The following C1orf54 variants were observed in gnomAD, a reference collection of about 807,000 sequenced individuals.
C1orf54 encodes the protein chromosome 1 open reading frame 54.
C1orf54 carries 12 observed loss-of-function variants against 14.7 expected under a neutral mutation model. That is an observed-to-expected ratio of 0.82 (90% CI 0.52 to 1.32). C1orf54 has a LOEUF of 1.32. Among genes scored for constraint, C1orf54 ranks in the 40% most tolerant of loss-of-function variants. The pLI, the probability that C1orf54 is intolerant of heterozygous loss-of-function variation, is 0.00. For synonymous variants in C1orf54, 65 were observed against 56.3 expected, an observed-to-expected ratio of 1.16 and a Z score of -0.70; for missense variants, 163 against 162.2, an observed-to-expected ratio of 1.00 and a Z score of -0.03.
upstream of C1orf54, chr1:150,268,979 T>A: frequency 3.4e-6 from 2 of 581,376 alleles, no homozygotes; most frequent in East Asian, 5.9e-5. Context: ...AAACCCCAAA[T>A]GAAGGTCCGC....
At position 150,274,105 on chromosome 1, in the gene C1orf54, A is replaced by G; in HGVS notation, c.65A>G (p.Glu22Gly). Residue 22 changes from glutamate to glycine, a missense_variant, in exon 2 of 6, where the codon GAA (glutamate) becomes GGA (glycine). Transcript: ENST00000369099. ...CCCATAGGACAAGAATATGAGGATG[A>G]AGAAAGACTGGGAGAGGATGAATAT... ...PLILGQEYEDEERLGEDEYYQ... is the reference protein window; with the variant it reads ...PLILGQEYEDGERLGEDEYYQ... 1.2e-6 allele frequency: 2 copies of G among 1,612,214 alleles called. No individual in the cohort carries two copies. The highest frequency in any genetic ancestry group is 1.7e-6 in the Non-Finnish European group (2 of 1,178,290).
chr1:150,279,879 G>GCCTAA, intron 5 of C1orf54, 138 bp downstream of exon 5: 1 of 762,780 alleles, frequency 1.3e-6, no homozygotes. Context: ...TGAAGGAAGA[G>GCCTAA]ATTTAGGCTC....
Position 150,276,599 on chromosome 1 carries a change from G to A in C1orf54, c.267G>A (p.Lys89=). The A allele has an allele frequency of 6.2e-7, 1 of 1,614,140 alleles. No individual in the cohort carries two copies. The highest frequency in any genetic ancestry group is 8.5e-7 in the Non-Finnish European group (1 of 1,180,028). ...SLETARADHP[K]PVTVKPVTTE... is the part of the protein sequence containing the mutation. Reference sequence around the variant, plus strand: ...AAACAGCACGTGCAGACCATCCGAAGCCTGTAACTGTGAAACCAGTAACAA... The same window carrying A: ...AAACAGCACGTGCAGACCATCCGAAACCTGTAACTGTGAAACCAGTAACAA... Residue 89 remains lysine (K), a synonymous_variant, in exon 4 of 6, where the codon AAG becomes AAA. Transcript: ENST00000369099.
upstream of C1orf54, chr1:150,268,907 C>G: frequency 9.3e-7 from 1 of 1,071,876 alleles, no homozygotes; most frequent in Non-Finnish European, 1.4e-6. Flanking sequence ...GCAACGCGAC[C>G]CCACGAGGGG....
upstream of C1orf54, chr1:150,272,191 A>C (rs587689626): frequency 6.5e-6 from 1 of 152,674 alleles, no homozygotes; most frequent in African/African-American, 2.4e-5. Context: ...AAAGGAAATA[A>C]CTGACCATGG....
At chr1:150,277,502 T>TAAAAAA (rs71083896) in intron 4 of C1orf54, among the ~76,000 whole-genome samples, 16 of 41,316 alleles carry the variant, frequency 3.9e-4, no homozygotes, top group East Asian at 1.7e-3. Context: ...GACTCTATAC[T>TAAAAAA]AAAAAAAAAA....
upstream of C1orf54, among the ~76,000 whole-genome samples, chr1:150,270,873 G>C (rs1553851148): frequency 1.3e-5 from 2 of 150,340 alleles, no homozygotes; most frequent in Non-Finnish European, 3.0e-5. Context: ...GCGGGCGCCT[G>C]TAGTCCCAGC....
chr1:150,272,684 G>A, upstream of C1orf54: 3 of 869,346 alleles, frequency 3.5e-6, no homozygotes, highest in Non-Finnish European at 5.6e-6. Flanking sequence ...TAGGCGGGGA[G>A]TTCTGCCCCC....
At chr1:150,269,010 C>T (rs782761582), upstream of C1orf54, 2 of 532,292 alleles carry the variant, frequency 3.8e-6, no homozygotes, top group Non-Finnish European at 6.8e-6. Flanking sequence ...CTACGGAAGC[C>T]GAAGAGGGGA....
upstream of C1orf54, among the ~76,000 whole-genome samples, chr1:150,269,994 G>A (rs1191073130): frequency 6.6e-6 from 1 of 152,114 alleles, no homozygotes; most frequent in African/African-American, 2.4e-5. Context: ...CTGAGATTGC[G>A]CTACTGCACT....
intron 1 of C1orf54, 52 bp from the exon 2 acceptor site, chr1:150,274,035 T>C: frequency 1.5e-6 from 2 of 1,308,154 alleles, no homozygotes; most frequent in Non-Finnish European, 2.2e-6. Flanking sequence ...GGTGTCCTTT[T>C]GTTAGTAAGG....
chr1:150,275,049 T>TG (rs1652533450), intron 2 of C1orf54, among the ~76,000 whole-genome samples: 1 of 150,902 alleles, frequency 6.6e-6, no homozygotes, highest in Non-Finnish European at 1.5e-5. Flanking sequence ...AAAAAATTTT[T>TG]TTTTTTTGAG....
At chr1:150,274,397 G>A (rs587684686) in intron 2 of C1orf54, among the ~76,000 whole-genome samples, 83 of 150,748 alleles carry the variant, frequency 5.5e-4, no homozygotes, top group African/African-American at 1.9e-3. Flanking sequence ...TCAGGAGATC[G>A]AGACCATCCT....
At chr1:150,268,799 CGCA>C (rs1445941045), upstream of C1orf54, 2 of 1,613,158 alleles carry the variant, frequency 1.2e-6, no homozygotes, top group African/African-American at 2.7e-5. Context: ...CGAAAAACAC[CGCA>C]GCCCCCATGG....
chr1:150,270,065 A>T (rs1397719768), upstream of C1orf54, among the ~76,000 whole-genome samples: 1 of 152,072 alleles, frequency 6.6e-6, no homozygotes, highest in Non-Finnish European at 1.5e-5. Flanking sequence ...TAAGTAGGAG[A>T]GGAGGGTATT....
chr1:150,279,855 C>A, intron 5 of C1orf54, 114 bp downstream of exon 5: 2 of 885,440 alleles, frequency 2.3e-6, no homozygotes, highest in South Asian at 3.3e-5. Flanking sequence ...CCAGCCTGGT[C>A]AATTATCAGC....
intron 5 of C1orf54, 118 bp downstream of exon 5, chr1:150,279,859 TATC>T: frequency 1.8e-5 from 15 of 853,278 alleles, no homozygotes; most frequent in Non-Finnish European, 2.8e-5. Flanking sequence ...CCTGGTCAAT[TATC>T]AGCCACTGAA....
At chr1:150,277,500 A>AT (rs1652760026) in intron 4 of C1orf54, among the ~76,000 whole-genome samples, 1 of 404 alleles carries the variant, frequency 2.5e-3, no homozygotes, top group African/African-American at 6.4e-3. Context: ...GAGACTCTAT[A>AT]CTAAAAAAAA....
chr1:150,279,329 C>T (rs1652914922), intron 4 of C1orf54, among the ~76,000 whole-genome samples: 1 of 152,086 alleles, frequency 6.6e-6, no homozygotes, highest in Admixed American at 6.6e-5. Context: ...TCCTTGAGGA[C>T]AGGAATCTTG....
Sources: allele counts gnomAD v4.1 joint callset (sites outside exome capture counted in the v4.1 genomes callset), GRCh38; gene constraint gnomAD v4.1.1; transcripts MANE v1.5; gene names NCBI Gene and HGNC (gene_info 2026-07-23, HGNC 2026-07-21).